The following OTUD5 variants were observed in gnomAD, a reference collection of about 807,000 sequenced individuals.
OTUD5 encodes OTU deubiquitinase 5.
A neutral mutation model predicts 36.3 loss-of-function variants in OTUD5; 2 were observed. The ratio of observed to expected loss-of-function variants is 0.06; its 90% confidence interval spans 0.02 to 0.17. The LOEUF is 0.17. OTUD5 is among the 10% of genes least tolerant of loss of function. The pLI is 1.00. For synonymous variants in OTUD5, 234 were observed against 214.9 expected (o/e 1.09, Z -0.78); for missense variants, 233 against 512.3 (o/e 0.45, Z 5.26).
intron 1 of OTUD5, among the ~76,000 whole-genome samples, chrX:48,948,208 G>A (rs1434158618): frequency 8.9e-6 from 1 of 112,121 alleles, no homozygotes; most frequent in Non-Finnish European, 1.9e-5. Flanking sequence ...AATTAGCAGG[G>A]CGTGGTGGCG....
chrX:48,932,761 T>C (rs1287647447), intron 5 of OTUD5, among the ~76,000 whole-genome samples: 1 of 111,082 alleles, frequency 9.0e-6, no homozygotes. Context: ...CTCGGCAATA[T>C]AGTGAGACCT....
rs1557047011 is a variant in OTUD5 at position 48,923,864 on chromosome X, C to T, written c.1452G>A (p.Ser484=). 3.3e-6 allele frequency: 4 copies of T among 1,210,393 alleles called. No individual in the cohort carries two copies. Among genetic ancestry groups the T allele is most frequent in the East Asian group, 3.0e-5 (1 of 33,757 alleles). Residue 484 remains serine, a synonymous_variant, in exon 7 of 9, where the codon TCG becomes TCA. Coordinates refer to ENST00000376488, the MANE Select transcript of OTUD5 (RefSeq NM_001136157.2). The part of the protein sequence containing the change: ...GTVLALAKPP[S]PCAPGTSSQF... ...CAAGTCACTGACCTGGCGCACAGGG[C>T]GAAGGAGGTTTGGCAAGAGCTAAAA...
intron 2 of OTUD5, among the ~76,000 whole-genome samples, chrX:48,941,509 A>G (rs1557051054): frequency 1.9e-5 from 2 of 105,472 alleles, no homozygotes; most frequent in Admixed American, 1.0e-4. Flanking sequence ...TTCCCAGGCC[A>G]GCTCTGGCTA....
intron 1 of OTUD5, among the ~76,000 whole-genome samples, chrX:48,945,988 C>T (rs998539484): frequency 9.0e-6 from 1 of 111,484 alleles, no homozygotes; most frequent in African/African-American, 3.3e-5. Flanking sequence ...AGCAACAAGG[C>T]TGCAAACTAC....
At chrX:48,951,043 G>A (rs1050436311) in intron 1 of OTUD5, among the ~76,000 whole-genome samples, 1 of 108,385 alleles carries the variant, frequency 9.2e-6, no homozygotes, top group Admixed American at 9.8e-5. Context: ...TCCAGGGTGG[G>A]AGGTTAGAAT....
intron 5 of OTUD5, among the ~76,000 whole-genome samples, chrX:48,932,347 C>T (rs12391303): frequency 0.12 from 13,068 of 109,228 alleles, 617 homozygotes; most frequent in South Asian, 0.31. Context: ...TTCTTTCAGA[C>T]AGAGTCTCGC....
intron 5 of OTUD5, among the ~76,000 whole-genome samples, chrX:48,927,529 G>A (rs1488945108): frequency 8.9e-6 from 1 of 111,843 alleles, no homozygotes; most frequent in Non-Finnish European, 1.9e-5. Context: ...CAAAACCCAG[G>A]AAACACGTCT....
chrX:48,941,247 A>G (rs2063914906), intron 2 of OTUD5, among the ~76,000 whole-genome samples: 1 of 109,814 alleles, frequency 9.1e-6, no homozygotes, highest in Admixed American at 9.7e-5. Flanking sequence ...CCTGACCAAC[A>G]TGGTGAAACC....
chrX:48,924,946 G>A (rs1557047336), intron 6 of OTUD5, among the ~76,000 whole-genome samples: 1 of 111,463 alleles, frequency 9.0e-6, no homozygotes, highest in Non-Finnish European at 1.9e-5. Context: ...TGAAAACAGG[G>A]CCTGCCACAG....
upstream of OTUD5, chrX:48,957,806 A>T: frequency 1.3e-6 from 1 of 770,724 alleles, no homozygotes; most frequent in East Asian, 1.3e-4. Context: ...TCCAAGATGA[A>T]GGCAGTGCGG....
intron 5 of OTUD5, among the ~76,000 whole-genome samples, chrX:48,930,588 A>G (rs782292232): frequency 4.5e-5 from 5 of 112,290 alleles, no homozygotes; most frequent in South Asian, 3.7e-4. Context: ...GGACAACCTG[A>G]TATCGAAGAG....
At chrX:48,953,463 G>A (rs1313719982) in intron 1 of OTUD5, among the ~76,000 whole-genome samples, 2 of 111,269 alleles carry the variant, frequency 1.8e-5, no homozygotes, top group East Asian at 2.8e-4. Context: ...AAATCCCAAA[G>A]CTAAACAACA....
chrX:48,953,051 C>T (rs1274914579), intron 1 of OTUD5, among the ~76,000 whole-genome samples: 2 of 111,878 alleles, frequency 1.8e-5, no homozygotes, highest in East Asian at 5.6e-4. Context: ...AAATGGGCAG[C>T]TGAGGGGGCA....
chrX:48,942,629 A>G (rs1291546612), intron 2 of OTUD5, among the ~76,000 whole-genome samples: 5 of 108,819 alleles, frequency 4.6e-5, no homozygotes, highest in African/African-American at 1.7e-4. Context: ...GGTAGGAGGG[A>G]TAAGTTTTTT....
chrX:48,932,355 C>T (rs1229040711), intron 5 of OTUD5, among the ~76,000 whole-genome samples: 1 of 109,791 alleles, frequency 9.1e-6, no homozygotes, highest in Non-Finnish European at 1.9e-5. Flanking sequence ...GACAGAGTCT[C>T]GCTCCGTCAC....
At chrX:48,948,085 C>A (rs948192963) in intron 1 of OTUD5, among the ~76,000 whole-genome samples, 3 of 112,783 alleles carry the variant, frequency 2.7e-5, no homozygotes, top group Non-Finnish European at 5.6e-5. Context: ...CGGTGGCTCA[C>A]GCCTGTAATC....
Position 48,950,136 on chromosome X carries a change from A to AT in OTUD5, c.595-5854_595-5853insA, listed in dbSNP as rs1288777875. ...GGTGACAGAGTGAGATTCCACCTCA[A>AT]AAAAAAAAAAAAAAAGAGAAGAGAA... On this transcript the variant is annotated intron_variant, in intron 1 of 8. Transcript: ENST00000376488. Among the ~76,000 whole-genome samples the AT allele has an allele frequency of 1.1e-4, 11 of 104,178 alleles. 1 individual carries two copies. The highest frequency in any genetic ancestry group is 1.0e-3 in the Admixed American group (10 of 9,764). The allele number at this position is 104,178 out of a possible 115,157, so 90.5% of individuals were successfully genotyped here.
intron 2 of OTUD5, among the ~76,000 whole-genome samples, chrX:48,942,868 C>T (rs1557051462): frequency 9.1e-6 from 1 of 110,410 alleles, no homozygotes; most frequent in Non-Finnish European, 1.9e-5. Flanking sequence ...GGTCTTTTAG[C>T]CCCATTTTAC....
chrX:48,926,888 T>C (rs1557047860), intron 5 of OTUD5, among the ~76,000 whole-genome samples: 1 of 111,102 alleles, frequency 9.0e-6, no homozygotes, highest in Non-Finnish European at 1.9e-5. Context: ...CAGAGTACTG[T>C]TTTTCAGGCT....
Sources: gnomAD v4.1 joint callset for allele counts (sites outside exome capture counted in the v4.1 genomes callset) on GRCh38, gnomAD v4.1.1 for gene constraint, MANE v1.5 for transcripts, NCBI Gene and HGNC (gene_info 2026-07-23, HGNC 2026-07-21) for gene names.